Variants in CECR2 observed in about 807,000 individuals in gnomAD.
CECR2 encodes chromatin remodeling regulator CECR2.
In CECR2, 30 loss-of-function variants were observed where a neutral mutation model predicts 154.5. The ratio of observed to expected loss-of-function variants is 0.19; its 90% CI spans 0.15 to 0.26. The LOEUF (loss-of-function observed/expected upper bound fraction) is 0.26, where lower values mean the gene tolerates loss of function less well. CECR2 is among the 10% of genes least tolerant of loss of function. The probability of loss-of-function intolerance (pLI) is 1.00; values close to 1 mark genes in which losing one functional copy is unlikely to be tolerated. For missense variants in CECR2, 1,743 were observed against 1,829.3 expected, an observed-to-expected ratio of 0.95 and a Z score of 0.86; for synonymous variants, 725 against 683.7, an observed-to-expected ratio of 1.06 and a Z score of -0.94.
rs753023796 is a variant in CECR2 at position 17,440,440 on chromosome 22, G to T, written c.127-37148G>T. Among the ~76,000 whole-genome samples the T allele has an allele frequency of 2.0e-5, 3 of 152,060 alleles. No homozygotes were observed. The East Asian group carries it at 5.8e-4, about 29-fold the overall frequency. On this transcript the variant is annotated intron_variant, in intron 1 of 18. Coordinates refer to ENST00000262608, the MANE Select transcript of CECR2 (RefSeq NM_001290047.2). Reference sequence around the variant, plus strand: ...TGGAACTCTTTCTCTGTCTGTTATGGCATAAAAACTTTATGGAAAAGACAA... The same window carrying T: ...TGGAACTCTTTCTCTGTCTGTTATGTCATAAAAACTTTATGGAAAAGACAA...
intron 1 of CECR2, among the ~76,000 whole-genome samples, chr22:17,465,789 T>C (rs1048026506): frequency 2.6e-4 from 40 of 152,230 alleles, no homozygotes; most frequent in African/African-American, 9.4e-4. Flanking sequence ...AGCCTAATTT[T>C]TGTATTCTTA....
chr22:17,537,343 A>C, intron 10 of CECR2, 111 bp downstream of exon 10: 1 of 1,306,076 alleles, frequency 7.7e-7, no homozygotes, highest in Admixed American at 1.9e-5. Flanking sequence ...TAACATGGTC[A>C]CCATGTGTGA....
intron 2 of CECR2, among the ~76,000 whole-genome samples, chr22:17,488,524 T>A (rs2055466170): frequency 6.6e-6 from 1 of 152,216 alleles, no homozygotes; most frequent in South Asian, 2.1e-4. Context: ...CCTAACCTGT[T>A]CTAGAACTGT....
At chr22:17,431,974 C>T (rs1019012799) in intron 1 of CECR2, among the ~76,000 whole-genome samples, 1 of 152,222 alleles carries the variant, frequency 6.6e-6, no homozygotes. Context: ...AACCACTGAG[C>T]TTTGTGCCTG....
intron 2 of CECR2, among the ~76,000 whole-genome samples, chr22:17,478,518 G>A (rs773799798): frequency 6.6e-6 from 1 of 151,932 alleles, no homozygotes; most frequent in Non-Finnish European, 1.5e-5. Flanking sequence ...ACCACGCCCG[G>A]CTAATTTTTT....
intron 1 of CECR2, among the ~76,000 whole-genome samples, chr22:17,450,187 TA>T (rs1454885244): frequency 2.6e-5 from 4 of 152,238 alleles, no homozygotes; most frequent in African/African-American, 9.6e-5. Context: ...GTTTTGAATA[TA>T]TATGGAAATA....
chr22:17,505,154 G>A, intron 7 of CECR2, 138 bp downstream of exon 7: 1 of 820,850 alleles, frequency 1.2e-6, no homozygotes, highest in Non-Finnish European at 1.9e-6. Flanking sequence ...GAACTCCAGT[G>A]TTAGAATGGG....
chr22:17,453,672 G>T (rs540710737), intron 1 of CECR2, among the ~76,000 whole-genome samples: 4 of 152,050 alleles, frequency 2.6e-5, no homozygotes, highest in Admixed American at 2.6e-4. Context: ...AACATGACTG[G>T]CACAAGAATT....
At chr22:17,527,014 T>C (rs2056277152) in intron 9 of CECR2, among the ~76,000 whole-genome samples, 1 of 152,048 alleles carries the variant, frequency 6.6e-6, no homozygotes, top group Non-Finnish European at 1.5e-5. Flanking sequence ...ACCCACAGAA[T>C]GGGAGAAAAC....
chr22:17,495,976 GT>G (rs2055621043), intron 2 of CECR2, among the ~76,000 whole-genome samples: 1 of 151,762 alleles, frequency 6.6e-6, no homozygotes, highest in African/African-American at 2.4e-5. Context: ...AGGAGTTTGA[GT>G]CCAGCCTGGA....
In CECR2 at chr22:17,556,760, C is replaced by G. The variant is rs1307905639; in HGVS notation, c.*3920C>G. ...AAGGTTTTCTAGCATTGTTGCCCTTCTTTGTCTGTCAGTCAGTTCACCCTC... is the reference window on the plus strand; with the variant it reads ...AAGGTTTTCTAGCATTGTTGCCCTTGTTTGTCTGTCAGTCAGTTCACCCTC... On this transcript the variant is annotated 3_prime_UTR_variant, in exon 19 of 19. Transcript: ENST00000262608. 6.6e-6 allele frequency: 1 copy of G among 152,358 alleles called. No homozygotes were observed. The highest frequency in any genetic ancestry group is 2.4e-5 in the African/African-American group (1 of 41,562). 9.4% of individuals were successfully genotyped at this position (152,358 alleles called of 1,614,324 possible). A position where few individuals can be genotyped will look rare whatever the true frequency, so the allele number is the denominator to read the frequency against.
intron 8 of CECR2, among the ~76,000 whole-genome samples, chr22:17,513,218 A>G (rs1205917232): frequency 1.3e-5 from 2 of 152,190 alleles, no homozygotes; most frequent in Non-Finnish European, 2.9e-5. Context: ...TTATCACATC[A>G]CATCACACTG....
rs2056774707 is a variant in CECR2, at chr22:17,556,616, C to G, written c.*3776C>G. 6.6e-6 allele frequency: 1 copy of G among 151,966 alleles called. No individual in the cohort carries two copies. The highest frequency in any genetic ancestry group is 6.6e-5 in the Admixed American group (1 of 15,246). The allele number at this position is 151,966 out of a possible 1,614,324, so 9.4% of individuals were successfully genotyped here. On this transcript the variant is annotated 3_prime_UTR_variant, in exon 19 of 19. Transcript: ENST00000262608. ...GTAAATACTACACTGCTCTTAAGACCTGATTTGAAATTTCACAGGAAGGCC... is the reference window on the plus strand; with the variant it reads ...GTAAATACTACACTGCTCTTAAGACGTGATTTGAAATTTCACAGGAAGGCC...
chr22:17,386,184 A>G (rs557179373), intron 1 of CECR2, among the ~76,000 whole-genome samples: 5 of 152,254 alleles, frequency 3.3e-5, no homozygotes, highest in Middle Eastern at 3.4e-3. Context: ...ACAACGGAAA[A>G]GAGCCTTTGA....
rs191332550 is a variant in CECR2, at chr22:17,453,874, A to T, written c.127-23714A>T. ...TAAAAATGGCCTTGCTGAGGAAATT[A>T]AATTTATGTTCAAGTGCTATTTCTT... On this transcript the variant is annotated intron_variant, in intron 1 of 18. Coordinates refer to ENST00000262608, the MANE Select transcript of CECR2 (RefSeq NM_001290047.2). Among the ~76,000 whole-genome samples the T allele has an allele frequency of 3.1e-3, 467 of 152,318 alleles. 1 individual carries two copies. The highest frequency in any genetic ancestry group is 0.011 in the African/African-American group (454 of 41,568).
rs895906186 is a variant in CECR2, at chr22:17,544,497, C to T, written c.2860+1494C>T. 1.6e-4 allele frequency among the ~76,000 whole-genome samples: 9 copies of T among 57,392 alleles called. No individual in the cohort carries two copies. In the Admixed American group the frequency reaches 2.1e-3, roughly 13 times the overall value. The allele number at this position is 57,392 out of a possible 152,430, so 37.7% of individuals were successfully genotyped here. On this transcript the variant is annotated intron_variant, in intron 16 of 18. Transcript: ENST00000262608. ...TGGGCGACAGAGCGAGACTCCATCTCAAAAAAAAAAAAAAAAAAAAGTTAA... is the reference window on the plus strand; with the variant it reads ...TGGGCGACAGAGCGAGACTCCATCTTAAAAAAAAAAAAAAAAAAAAGTTAA...
chr22:17,487,419 GTT>G (rs1248187118), intron 2 of CECR2, among the ~76,000 whole-genome samples: 1 of 152,180 alleles, frequency 6.6e-6, no homozygotes, highest in Non-Finnish European at 1.5e-5. Flanking sequence ...TTTTTCATTG[GTT>G]GGGCGCGGTG....
In CECR2 at chr22:17,549,157, A is replaced by G; in HGVS notation, c.3870A>G (p.Pro1290=). ...EEKLDESMER[P]ESPKEFLDLD... ...AGCTGGATGAATCTATGGAGAGGCC[A>G]GAGAGTCCCAAAGAATTTTTAGACC... Residue 1290 remains proline (P), a synonymous_variant, in exon 17 of 19, where the codon CCA becomes CCG. Coordinates refer to ENST00000262608, the MANE Select transcript of CECR2 (RefSeq NM_001290047.2). The G allele has an allele frequency of 6.2e-7, 1 of 1,614,068 alleles. No individual in the cohort carries two copies. The highest frequency in any genetic ancestry group is 1.3e-5 in the African/African-American group (1 of 75,064).
chr22:17,423,169 A>G (rs1183028632), intron 1 of CECR2, among the ~76,000 whole-genome samples: 1 of 152,008 alleles, frequency 6.6e-6, no homozygotes, highest in Non-Finnish European at 1.5e-5. Context: ...AGCGTTCTTT[A>G]GTCTTAGGAT....
Sources: gnomAD v4.1 joint callset for allele counts (sites outside exome capture counted in the v4.1 genomes callset) on GRCh38, gnomAD v4.1.1 for gene constraint, MANE v1.5 for transcripts, NCBI Gene and HGNC (gene_info 2026-07-23, HGNC 2026-07-21) for gene names.